The following CFAP299 variants were observed in gnomAD, a reference collection of about 807,000 sequenced individuals.
CFAP299 encodes cilia and flagella associated protein 299.
CFAP299 carries 21 observed loss-of-function variants against 27.0 expected under a neutral mutation model. That is an observed-to-expected ratio of 0.78 (90% confidence interval 0.55 to 1.12). The LOEUF (loss-of-function observed/expected upper bound fraction) is 1.12. Among genes scored for constraint, CFAP299 ranks in the 50% most tolerant of loss-of-function variants. The pLI is 0.00. For synonymous variants in CFAP299, 104 were observed against 98.1 expected (o/e 1.06, Z -0.36); for missense variants, 310 against 276.6 (o/e 1.12, Z -0.86).
At chr4:80,723,105 T>A (rs879930312) in intron 3 of CFAP299, among the ~76,000 whole-genome samples, 9 of 152,114 alleles carry the variant, frequency 5.9e-5, no homozygotes, top group African/African-American at 2.2e-4. Flanking sequence ...ATACCAACTG[T>A]TGGCAAGGAT....
At chr4:80,670,748 A>G (rs919964911) in intron 3 of CFAP299, among the ~76,000 whole-genome samples, 4 of 152,218 alleles carry the variant, frequency 2.6e-5, no homozygotes, top group African/African-American at 9.6e-5. Context: ...AGTGATGATG[A>G]GCATTTTTTC....
chr4:80,370,153 A>G (rs1487666884), intron 2 of CFAP299, among the ~76,000 whole-genome samples: 2 of 152,140 alleles, frequency 1.3e-5, no homozygotes, highest in Non-Finnish European at 2.9e-5. Flanking sequence ...CAGGAGGAAT[A>G]GAAAGTTGGG....
chr4:80,402,039 C>T (rs183783055), intron 2 of CFAP299, among the ~76,000 whole-genome samples: 1 of 152,260 alleles, frequency 6.6e-6, no homozygotes, highest in Non-Finnish European at 1.5e-5. Flanking sequence ...CAATTTATCC[C>T]ATTTGGAATG....
intron 5 of CFAP299, among the ~76,000 whole-genome samples, chr4:80,959,686 G>A (rs1738244493): frequency 6.6e-6 from 1 of 151,880 alleles, no homozygotes; most frequent in Non-Finnish European, 1.5e-5. Context: ...CTTTGCAAAG[G>A]TAAAGGAATA....
In CFAP299 at chr4:80,341,015, A is replaced by T. The variant is rs536760528; in HGVS notation, c.111+5136A>T. ...GGTCTTGAACTCCTGACCTCAGGTG[A>T]TCCACCCGCCTTGGCCTCCCAAAGT... On this transcript the variant is annotated intron_variant, in intron 1 of 5. Coordinates refer to ENST00000358105, the MANE Select transcript of CFAP299 (RefSeq NM_152770.3). Among the ~76,000 whole-genome samples the T allele has an allele frequency of 2.7e-3, 406 of 152,240 alleles. 2 individuals carry two copies. Among genetic ancestry groups the T allele is most frequent in the African/African-American group, 9.6e-3 (399 of 41,538 alleles).
At chr4:80,626,943 A>C (rs1396890592) in intron 3 of CFAP299, among the ~76,000 whole-genome samples, 1 of 151,778 alleles carries the variant, frequency 6.6e-6, no homozygotes, top group Admixed American at 6.6e-5. Flanking sequence ...ATTTTGCTTA[A>C]CTCTTCCAAA....
chr4:80,608,207 T>C (rs1387316184), intron 3 of CFAP299: 1 of 581,648 alleles, frequency 1.7e-6, no homozygotes, highest in African/African-American at 1.8e-5. Flanking sequence ...CGAGACTAAG[T>C]AATTAGGAAA....
intron 3 of CFAP299, among the ~76,000 whole-genome samples, chr4:80,624,510 C>T (rs771894551): frequency 2.6e-5 from 4 of 151,188 alleles, no homozygotes; most frequent in Non-Finnish European, 5.9e-5. Context: ...AACAAAAGAG[C>T]AAAACATTTG....
At chr4:80,674,296 G>T (rs896669482) in intron 3 of CFAP299, among the ~76,000 whole-genome samples, 3 of 152,166 alleles carry the variant, frequency 2.0e-5, no homozygotes, top group Non-Finnish European at 4.4e-5. Flanking sequence ...GGTTTGGCTG[G>T]ATATGAAATT....
At chr4:80,762,494 G>T (rs1312259633) in intron 3 of CFAP299, among the ~76,000 whole-genome samples, 2 of 152,052 alleles carry the variant, frequency 1.3e-5, no homozygotes, top group East Asian at 3.9e-4. Flanking sequence ...TGGTATAGGG[G>T]GTGAAGTGTG....
chr4:80,589,658 T>C (rs1736623874), intron 3 of CFAP299, among the ~76,000 whole-genome samples: 3 of 152,148 alleles, frequency 2.0e-5, no homozygotes, highest in Admixed American at 6.6e-5. Context: ...AATTCAGGGA[T>C]GAGGAAGCCA....
At chr4:80,513,600 A>G (rs953977960) in intron 2 of CFAP299, among the ~76,000 whole-genome samples, 1 of 152,138 alleles carries the variant, frequency 6.6e-6, no homozygotes, top group Non-Finnish European at 1.5e-5. Flanking sequence ...TTCATCCTCA[A>G]GTAAACTCTG....
chr4:80,748,432 A>G (rs533603466), intron 3 of CFAP299, among the ~76,000 whole-genome samples: 2 of 152,250 alleles, frequency 1.3e-5, no homozygotes, highest in South Asian at 2.1e-4. Flanking sequence ...ATAATCAAAC[A>G]TGACTTAGTC....
At chr4:80,488,869 G>A (rs1309125555) in intron 2 of CFAP299, among the ~76,000 whole-genome samples, 1 of 152,006 alleles carries the variant, frequency 6.6e-6, no homozygotes, top group East Asian at 1.9e-4. Context: ...GAGTTGGATG[G>A]CAAAAAAAAC....
chr4:80,577,397 ATTTTTT>A (rs34922224), intron 2 of CFAP299, among the ~76,000 whole-genome samples: 1 of 98,824 alleles, frequency 1.0e-5, no homozygotes, highest in Non-Finnish European at 1.8e-5. Context: ...ATTAGAAAAC[ATTTTTT>A]TTTTTTTTTT....
chr4:80,777,270 T>G (rs976512895), intron 3 of CFAP299, among the ~76,000 whole-genome samples: 2 of 152,118 alleles, frequency 1.3e-5, no homozygotes, highest in Non-Finnish European at 2.9e-5. Flanking sequence ...AGATACAATA[T>G]TTGCTACATT....
chr4:80,609,196 G>C (rs889606797), intron 3 of CFAP299, among the ~76,000 whole-genome samples: 6 of 152,030 alleles, frequency 3.9e-5, no homozygotes, highest in African/African-American at 1.4e-4. Flanking sequence ...ATAAGTATAT[G>C]TTGGGTTAAA....
At chr4:80,671,128 A>G (rs1396960991) in intron 3 of CFAP299, among the ~76,000 whole-genome samples, 1 of 152,214 alleles carries the variant, frequency 6.6e-6, no homozygotes, top group East Asian at 1.9e-4. Flanking sequence ...TTTAGGTCTC[A>G]CCTTTAAGTA....
At chr4:80,349,348 T>C (rs1329289076) in intron 1 of CFAP299, among the ~76,000 whole-genome samples, 3 of 152,238 alleles carry the variant, frequency 2.0e-5, no homozygotes, top group Admixed American at 6.5e-5. Context: ...CTTAGATAAT[T>C]TGATGCAATA....
Sources: allele counts gnomAD v4.1 joint callset (sites outside exome capture counted in the v4.1 genomes callset), GRCh38; gene constraint gnomAD v4.1.1; transcripts MANE v1.5; gene names NCBI Gene and HGNC (gene_info 2026-07-23, HGNC 2026-07-21).